Variants in SLC25A48 observed in about 807,000 individuals in gnomAD.
SLC25A48 encodes the protein CTC-321K16.1.
In SLC25A48, 29 loss-of-function variants were observed where a neutral mutation model predicts 32.2. The observed-to-expected ratio is 0.90, with a 90% confidence interval of 0.67 to 1.23. The LOEUF is 1.23. SLC25A48 is among the 50% of genes most tolerant of loss of function. SLC25A48 has a pLI of 0.00. For missense variants in SLC25A48, 399 were observed against 422.7 expected (o/e 0.94, Z 0.49); for synonymous variants, 164 against 172.3 (o/e 0.95, Z 0.38).
chr5:135,712,149 C>A (rs144137781), intron 3 of SLC25A48, among the ~76,000 whole-genome samples: 114 of 152,302 alleles, frequency 7.5e-4, no homozygotes, highest in African/African-American at 2.6e-3. Flanking sequence ...GCCAGGCACA[C>A]CCTACTGTTT....
chr5:135,773,511 TCACAGGGGGTG>T (rs1311402148), intron 3 of SLC25A48, among the ~76,000 whole-genome samples: 31 of 151,268 alleles, frequency 2.0e-4, no homozygotes, highest in South Asian at 1.0e-3. Flanking sequence ...ACTCCCAACA[TCACAGGGGGTG>T]TACATTCCCC....
intron 5 of SLC25A48, chr5:135,872,168 C>A (rs1187011845): frequency 1.3e-5 from 3 of 238,048 alleles, no homozygotes; most frequent in African/African-American, 1.5e-4. Flanking sequence ...GACAGTATAG[C>A]AGGACTCTGC....
chr5:135,648,366 C>A (rs1357820346), intron 3 of SLC25A48, among the ~76,000 whole-genome samples: 1 of 152,198 alleles, frequency 6.6e-6, no homozygotes. Flanking sequence ...GGCTGACTAC[C>A]AAGAAAGTGC....
chr5:135,647,638 T>G (rs774173986), intron 3 of SLC25A48, among the ~76,000 whole-genome samples: 1 of 152,152 alleles, frequency 6.6e-6, no homozygotes, highest in Non-Finnish European at 1.5e-5. Flanking sequence ...GGAGGCCTCC[T>G]GGGCTCTGGG....
chr5:135,794,767 G>A (rs1757124976), intron 3 of SLC25A48, among the ~76,000 whole-genome samples: 1 of 151,312 alleles, frequency 6.6e-6, no homozygotes, highest in Non-Finnish European at 1.5e-5. Context: ...TCCAAGTGAA[G>A]AGATAAAAAT....
chr5:135,694,988 C>T (rs1754232871), intron 3 of SLC25A48, among the ~76,000 whole-genome samples: 1 of 152,202 alleles, frequency 6.6e-6, no homozygotes, highest in Admixed American at 6.5e-5. Flanking sequence ...GGGCATGAGC[C>T]AGCTGCTTGG....
chr5:135,587,898 A>G (rs1026419323), intron 1 of SLC25A48, among the ~76,000 whole-genome samples: 4 of 152,250 alleles, frequency 2.6e-5, no homozygotes, highest in African/African-American at 7.2e-5. Flanking sequence ...AAATCTGTCC[A>G]TTGTGAAACT....
At chr5:135,842,483 A>G (rs934054049) in intron 2 of SLC25A48, 24 bp downstream of exon 2, 1 of 1,610,284 alleles carries the variant, frequency 6.2e-7, no homozygotes, top group Non-Finnish European at 8.5e-7. Context: ...GTTTCCCATT[A>G]CCTCTTAAAA....
At chr5:135,842,045 T>A (rs970423238) in intron 1 of SLC25A48, among the ~76,000 whole-genome samples, 26 of 152,334 alleles carry the variant, frequency 1.7e-4, no homozygotes, top group Admixed American at 6.5e-4. Context: ...CAGGTCAAGA[T>A]TTTTTTCTAT....
rs531225950 is a variant in SLC25A48 at position 135,888,433 on chromosome 5, C to T, written c.*409C>T. The T allele has an allele frequency of 1.1e-4, 25 of 228,188 alleles. No individual in the cohort carries two copies. In the South Asian group the frequency reaches 1.2e-3, roughly 11 times the overall value. 14.1% of individuals were successfully genotyped at this position (228,188 alleles called of 1,614,324 possible). A position where few individuals can be genotyped will look rare whatever the true frequency, so the allele number is the denominator to read the frequency against. On this transcript the variant is annotated 3_prime_UTR_variant, in exon 8 of 8. Transcript: ENST00000681962. ...CCTCCAGTCTCAAGTAACACGTCCC[C>T]GTGCCTCCAGTCTCCTCTCAGCACC...
At chr5:135,585,406 C>CG in intron 1 of SLC25A48, among the ~76,000 whole-genome samples, 1 of 152,310 alleles carries the variant, frequency 6.6e-6, no homozygotes, top group South Asian at 2.1e-4. Context: ...GCCTGACTCC[C>CG]GTCCTAGCCC....
chr5:135,643,330 C>T (rs1003133323), intron 3 of SLC25A48, among the ~76,000 whole-genome samples: 3 of 152,166 alleles, frequency 2.0e-5, no homozygotes, highest in African/African-American at 7.2e-5. Flanking sequence ...ACACAAGACT[C>T]TGTGAAGAGA....
intron 3 of SLC25A48, among the ~76,000 whole-genome samples, chr5:135,727,184 CTATATA>C (rs61234105): frequency 8.2e-5 from 12 of 146,020 alleles, no homozygotes; most frequent in Admixed American, 1.4e-4. Context: ...TAGCCACAGG[CTATATA>C]TATATATATA....
chr5:135,715,788 A>G (rs1264041975), intron 3 of SLC25A48, among the ~76,000 whole-genome samples: 1 of 152,222 alleles, frequency 6.6e-6, no homozygotes, highest in East Asian at 1.9e-4. Context: ...ACTTGTGCCT[A>G]TAATTAGGCA....
rs561757994 is a variant in SLC25A48, at chr5:135,723,312, G to A, written c.-521+88356G>A. The stretch of plus-strand genomic sequence containing the variant: ...AATTTGCAAAAATCCCCATTCAATG[G>A]GAGCTGAAACTATTCTGAATGGTAT... On this transcript the variant is annotated intron_variant, in intron 3 of 10. Transcript: ENST00000646290. 3.7e-3 allele frequency among the ~76,000 whole-genome samples: 566 copies of A among 151,358 alleles called. 3 individuals carry two copies. Among genetic ancestry groups the A allele is most frequent in the Non-Finnish European group, 5.5e-3 (370 of 67,848 alleles).
intron 3 of SLC25A48, among the ~76,000 whole-genome samples, chr5:135,724,602 G>T (rs773089756): frequency 2.6e-5 from 4 of 152,266 alleles, no homozygotes; most frequent in Non-Finnish European, 5.9e-5. Flanking sequence ...GGGACTTAGA[G>T]GCCTGTGTCT....
At chr5:135,713,619 C>T (rs1015310457) in intron 3 of SLC25A48, among the ~76,000 whole-genome samples, 3 of 152,230 alleles carry the variant, frequency 2.0e-5, no homozygotes, top group South Asian at 4.1e-4. Context: ...GCTCCAACCT[C>T]AGGCTTCCAA....
At chr5:135,835,496 C>G (rs912503116) in intron 1 of SLC25A48, among the ~76,000 whole-genome samples, 2 of 152,134 alleles carry the variant, frequency 1.3e-5, no homozygotes, top group African/African-American at 2.4e-5. Context: ...TCTCCGGGCA[C>G]TGTTGGGTCT....
chr5:135,620,409 C>T (rs777152114), intron 1 of SLC25A48, among the ~76,000 whole-genome samples: 15 of 152,182 alleles, frequency 9.9e-5, no homozygotes, highest in South Asian at 8.3e-4. Flanking sequence ...AGGGTGATCC[C>T]CAGGCTATAA....
Sources: allele counts gnomAD v4.1 joint callset (sites outside exome capture counted in the v4.1 genomes callset), GRCh38; gene constraint gnomAD v4.1.1; transcripts MANE v1.5; gene names NCBI Gene and HGNC (gene_info 2026-07-23, HGNC 2026-07-21).